Variants in L3MBTL4 observed in about 807,000 individuals in gnomAD.
The protein encoded by L3MBTL4 is L3MBTL histone methyl-lysine binding protein 4.
In L3MBTL4, 70 loss-of-function variants were observed where a neutral mutation model predicts 84.5. The ratio of observed to expected loss-of-function variants is 0.83; its 90% CI spans 0.68 to 1.01. The LOEUF (loss-of-function observed/expected upper bound fraction) is 1.01, where lower values mean the gene tolerates loss of function less well. Among genes scored for constraint, L3MBTL4 ranks in the 50% least tolerant of loss-of-function variants. The pLI, the probability that L3MBTL4 is intolerant of heterozygous loss-of-function variation, is 0.00. For synonymous variants in L3MBTL4, 274 were observed against 259.8 expected, an observed-to-expected ratio of 1.05 and a Z score of -0.52; for missense variants, 715 against 754.8, an observed-to-expected ratio of 0.95 and a Z score of 0.62.
chr18:6,220,021 G>A (rs1228838038), intron 10 of L3MBTL4, among the ~76,000 whole-genome samples: 1 of 151,984 alleles, frequency 6.6e-6, no homozygotes, highest in Non-Finnish European at 1.5e-5. Context: ...GGAACATAAC[G>A]AGACCTCACC....
intron 5 of L3MBTL4, among the ~76,000 whole-genome samples, chr18:6,247,645 A>ATTT (rs58646046): frequency 1.3e-4 from 17 of 127,794 alleles, no homozygotes; most frequent in African/African-American, 3.3e-4. Context: ...TGCCCGGCTA[A>ATTT]TTTTTTTTTT....
At chr18:5,958,130 A>AAGAAAAAG (rs1555616536) in intron 18 of L3MBTL4, among the ~76,000 whole-genome samples, 47 of 31,820 alleles carry the variant, frequency 1.5e-3, no homozygotes, top group Non-Finnish European at 2.5e-3. Flanking sequence ...AGAAGAAGAA[A>AAGAAAAAG]AAGAAGAAGA....
At chr18:6,405,643 C>T (rs572958665) in intron 1 of L3MBTL4, among the ~76,000 whole-genome samples, 20 of 152,108 alleles carry the variant, frequency 1.3e-4, no homozygotes, top group South Asian at 1.0e-3. Flanking sequence ...GGCGCGAGGG[C>T]CCCCTAAACA....
At chr18:6,217,822 A>G (rs926293338) in intron 10 of L3MBTL4, among the ~76,000 whole-genome samples, 4 of 152,130 alleles carry the variant, frequency 2.6e-5, no homozygotes, top group African/African-American at 9.7e-5. Flanking sequence ...TAAAAATTAT[A>G]TTGCCACCCT....
At chr18:6,164,201 G>T (rs1048221512) in intron 13 of L3MBTL4, among the ~76,000 whole-genome samples, 1 of 152,240 alleles carries the variant, frequency 6.6e-6, no homozygotes, top group Non-Finnish European at 1.5e-5. Context: ...ACTGGGTGGA[G>T]CCCACCACAG....
chr18:6,047,057 T>C (rs780413539), intron 16 of L3MBTL4, among the ~76,000 whole-genome samples: 3 of 151,952 alleles, frequency 2.0e-5, no homozygotes, highest in Non-Finnish European at 4.4e-5. Flanking sequence ...AGAAATGACA[T>C]AGATGACACT....
In L3MBTL4 at chr18:6,017,289, T is replaced by C. The variant is rs189308444; in HGVS notation, c.1445-47727A>G. On this transcript the variant is annotated intron_variant, in intron 16 of 18. Transcript: ENST00000317931. ...AGAGTGGACAGTCTGGGCCTGCTGC[T>C]GATTGGAGACACTTCTCAAGCAGTG... Among the ~76,000 whole-genome samples the C allele has an allele frequency of 2.2e-4, 33 of 151,848 alleles. No individual in the cohort carries two copies. The East Asian group carries it at 6.4e-3, about 30-fold the overall frequency.
At chr18:6,088,038 A>G (rs1401502075) in intron 15 of L3MBTL4, among the ~76,000 whole-genome samples, 1 of 152,266 alleles carries the variant, frequency 6.6e-6, no homozygotes, top group Non-Finnish European at 1.5e-5. Flanking sequence ...AAGCAAAAGC[A>G]TAAATTGTTT....
At chr18:6,090,975 A>G (rs1027704861) in intron 15 of L3MBTL4, among the ~76,000 whole-genome samples, 4 of 152,138 alleles carry the variant, frequency 2.6e-5, no homozygotes, top group Admixed American at 1.3e-4. Flanking sequence ...ATTTTCACCA[A>G]TTTAACCCCC....
chr18:6,128,645 T>C (rs2059778503), intron 14 of L3MBTL4, among the ~76,000 whole-genome samples: 1 of 152,168 alleles, frequency 6.6e-6, no homozygotes, highest in Non-Finnish European at 1.5e-5. Context: ...ATTGTACCCA[T>C]GGCTGAGGAG....
intron 10 of L3MBTL4, among the ~76,000 whole-genome samples, chr18:6,224,378 T>A (rs2046688121): frequency 6.6e-6 from 1 of 152,246 alleles, no homozygotes; most frequent in South Asian, 2.1e-4. Flanking sequence ...ATATTTCTAA[T>A]GGCAGCAGTG....
chr18:6,244,105 T>A (rs554707860), intron 6 of L3MBTL4, among the ~76,000 whole-genome samples: 2 of 152,206 alleles, frequency 1.3e-5, no homozygotes, highest in African/African-American at 4.8e-5. Flanking sequence ...TGAATGTATT[T>A]ATATAAATAT....
chr18:6,154,296 C>T (rs1289079112), intron 13 of L3MBTL4, among the ~76,000 whole-genome samples: 1 of 152,154 alleles, frequency 6.6e-6, no homozygotes, highest in Non-Finnish European at 1.5e-5. Context: ...CTTCTTGTTG[C>T]AACTATTCCT....
At chr18:6,295,346 C>CTCTCTCTCTCTCTCTCTATATATATATA (rs1261475809) in intron 4 of L3MBTL4, among the ~76,000 whole-genome samples, 1 of 81,382 alleles carries the variant, frequency 1.2e-5, no homozygotes, top group African/African-American at 6.6e-5. Context: ...CTCTCTCTCT[C>CTCTCTCTCTCTCTCTCTATATATATATA]TATATATATA....
chr18:6,079,336 G>C (rs751938908), intron 16 of L3MBTL4, among the ~76,000 whole-genome samples: 10 of 152,160 alleles, frequency 6.6e-5, no homozygotes, highest in Non-Finnish European at 1.5e-4. Flanking sequence ...AAGGCCGACT[G>C]CTCCTCCCAC....
At chr18:6,074,544 T>C (rs1218850941) in intron 16 of L3MBTL4, among the ~76,000 whole-genome samples, 3 of 152,220 alleles carry the variant, frequency 2.0e-5, no homozygotes, top group Non-Finnish European at 2.9e-5. Context: ...CTGTTATTTA[T>C]GTAATGATTT....
At chr18:6,259,903 G>A (rs1057009978) in intron 5 of L3MBTL4, 2 of 152,128 alleles carry the variant, frequency 1.3e-5, no homozygotes, top group Non-Finnish European at 2.9e-5. Flanking sequence ...TTTTCTTTTA[G>A]AACTCTTATA....
chr18:5,973,762 T>C (rs2052766272), intron 16 of L3MBTL4, among the ~76,000 whole-genome samples: 1 of 152,150 alleles, frequency 6.6e-6, no homozygotes, highest in Non-Finnish European at 1.5e-5. Context: ...AAGGGTCACT[T>C]GTGTACTTCA....
intron 1 of L3MBTL4, among the ~76,000 whole-genome samples, chr18:6,361,517 G>A (rs984686819): frequency 1.3e-5 from 2 of 152,154 alleles, no homozygotes; most frequent in African/African-American, 4.8e-5. Flanking sequence ...TCTGTAATAG[G>A]AACTAAGGTA....
Sources: allele counts gnomAD v4.1 joint callset (sites outside exome capture counted in the v4.1 genomes callset), GRCh38; gene constraint gnomAD v4.1.1; transcripts MANE v1.5; gene names NCBI Gene and HGNC (gene_info 2026-07-23, HGNC 2026-07-21).